Variants in ZNF638 observed in about 807,000 individuals in gnomAD.
ZNF638 encodes the protein CTCL tumor antigen se33-1.
Under a neutral mutation model 195.6 loss-of-function variants are expected in ZNF638, and 46 were observed. The observed-to-expected ratio is 0.24, with a 90% confidence interval of 0.19 to 0.30. The LOEUF is 0.30. Among genes scored for constraint, ZNF638 ranks in the 10% least tolerant of loss-of-function variants. The pLI is 1.00. For synonymous variants in ZNF638, 845 were observed against 772.0 expected (o/e 1.09, Z -1.57); for missense variants, 2,440 against 2,325.3 (o/e 1.05, Z -1.01).
chr2:71,423,582 C>T lies in ZNF638; in HGVS notation c.4068C>T (p.Asn1356=), dbSNP rs2080475007. 2 of 1,613,910 alleles carry T rather than the reference C, an allele frequency of 1.2e-6. No homozygotes were observed. Among genetic ancestry groups the T allele is most frequent in the Admixed American group, 1.7e-5 (1 of 59,988 alleles). ...CAATGAAAGAAAAGCCTGCAGAAAA[C>T]ACTTTATTCAAGGCATACCCAAATA... ...MAAMKEKPAE[N]TLFKAYPNKG... Residue 1356 remains asparagine, a synonymous_variant, in exon 22 of 28, where the codon AAC becomes AAT. Transcript: ENST00000264447.
chr2:71,364,560 G>A (rs2079163526), intron 5 of ZNF638, among the ~76,000 whole-genome samples: 1 of 152,074 alleles, frequency 6.6e-6, no homozygotes, highest in Non-Finnish European at 1.5e-5. Context: ...TTTAACCTGT[G>A]ACTTAATGTT....
chr2:71,349,981 T>G lies in ZNF638; in HGVS notation c.1027T>G (p.Ser343Ala). The change falls in exon 2 of 28, where the codon TCA (serine) becomes GCA (alanine). Residue 343 changes from serine to alanine, a missense_variant. This residue lies in a region of ZNF638 where 305 missense variants were observed against 283.6 expected (regional missense o/e 1.08). Transcript: ENST00000264447. ...NQQPFSSELI[S>A]SVSQQERIPH... ...GCAACCTTTTTCGTCGGAATTAATTTCATCTGTAAGCCAGCAAGAGCGGAT... is the reference window on the plus strand; with the variant it reads ...GCAACCTTTTTCGTCGGAATTAATTGCATCTGTAAGCCAGCAAGAGCGGAT... The G allele has an allele frequency of 6.2e-7, 1 of 1,614,220 alleles. No individual in the cohort carries two copies. The highest frequency in any genetic ancestry group is 8.5e-7 in the Non-Finnish European group (1 of 1,180,048).
intron 2 of ZNF638, among the ~76,000 whole-genome samples, chr2:71,353,234 C>T (rs868072032): frequency 6.6e-6 from 1 of 152,110 alleles, no homozygotes; most frequent in Admixed American, 6.5e-5. Context: ...ACTTTGAGAA[C>T]GTGAAATGTA....
intron 8 of ZNF638, among the ~76,000 whole-genome samples, chr2:71,373,052 A>G (rs2079343835): frequency 6.6e-6 from 1 of 152,234 alleles, no homozygotes. Flanking sequence ...GTTGGTTTAT[A>G]GGATGCACAG....
At chr2:71,379,711 G>C (rs368681951) in intron 8 of ZNF638, 5 of 152,260 alleles carry the variant, frequency 3.3e-5, no homozygotes, top group South Asian at 4.1e-4. Context: ...CCGTATTCAC[G>C]TAAGTTTTAT....
chr2:71,373,275 G>A lies in ZNF638; in HGVS notation c.2265+3270G>A, dbSNP rs1216583369. On this transcript the variant is annotated intron_variant, in intron 8 of 27. Transcript: ENST00000264447. ...CTATATCTATTAACTGTTTAAGTGAGTTGTCTGTATCTTTTCCTATTTTAT... is the reference window on the plus strand; with the variant it reads ...CTATATCTATTAACTGTTTAAGTGAATTGTCTGTATCTTTTCCTATTTTAT... Among the ~76,000 whole-genome samples, 4 of 149,046 alleles carry A rather than the reference G, an allele frequency of 2.7e-5. No individual in the cohort carries two copies. The East Asian group carries it at 8.1e-4, about 30-fold the overall frequency.
At chr2:71,395,969 TC>T (rs1404930228) in intron 10 of ZNF638, 171 bp from the exon 11 acceptor site, 1 of 645,322 alleles carries the variant, frequency 1.5e-6, no homozygotes, top group Non-Finnish European at 2.7e-6. Context: ...TTTTGATACA[TC>T]AAGTCCATAT....
Position 71,420,128 on chromosome 2 carries a change from A to G in ZNF638, c.3299+1489A>G, listed in dbSNP as rs531719894. Among the ~76,000 whole-genome samples, 205 of 151,396 alleles carry G rather than the reference A, an allele frequency of 1.4e-3. 1 individual carries two copies. The highest frequency in any genetic ancestry group is 3.4e-3 in the Middle Eastern group (1 of 290). ...TTTTTTTTAGAGACAGGGTCTTGCT[A>G]TGTTGCTCAGGCTGGCCTTGAACTC... On this transcript the variant is annotated intron_variant, in intron 21 of 27. Transcript: ENST00000264447.
intron 20 of ZNF638, among the ~76,000 whole-genome samples, chr2:71,408,977 A>T (rs1366908318): frequency 6.6e-6 from 1 of 152,100 alleles, no homozygotes; most frequent in Non-Finnish European, 1.5e-5. Context: ...AATATATAAA[A>T]GTTTTTAGCT....
At chr2:71,434,674 AG>A in intron 27 of ZNF638, 67 bp from the exon 28 acceptor site, 1 of 1,268,648 alleles carries the variant, frequency 7.9e-7, no homozygotes. Context: ...AATATACAGT[AG>A]ATAAGTTTGC....
rs1258848843 is a variant in ZNF638, at chr2:71,349,065, G to A, written c.111G>A (p.Met37Ile). The change falls in exon 2 of 28, where the codon ATG becomes ATA. Residue 37 changes from methionine (M) to isoleucine (I), a missense_variant. By Grantham distance (10) the Met-to-Ile change is conservative. Coordinates refer to ENST00000264447, the MANE Select transcript of ZNF638 (RefSeq NM_014497.5). Reference protein sequence around the residue: ...PPGPFMRPGSMGLPRFYPAGR... With the variant: ...PPGPFMRPGSIGLPRFYPAGR... ...GACCATTTATGAGGCCTGGATCTAT[G>A]GGTCTCCCAAGATTTTACCCAGCAG... 5 of 1,614,144 alleles carry A rather than the reference G, an allele frequency of 3.1e-6. No homozygotes were observed. In the South Asian group the frequency reaches 4.4e-5, roughly 14 times the overall value.
intron 8 of ZNF638, among the ~76,000 whole-genome samples, chr2:71,373,337 C>T (rs1477736802): frequency 6.6e-6 from 1 of 151,046 alleles, no homozygotes; most frequent in Non-Finnish European, 1.5e-5. Flanking sequence ...TTTGAAGGTG[C>T]ATGAATATTG....
chr2:71,357,984 A>G (rs775763829), intron 3 of ZNF638, among the ~76,000 whole-genome samples: 1 of 152,186 alleles, frequency 6.6e-6, no homozygotes, highest in Non-Finnish European at 1.5e-5. Flanking sequence ...TTTAGAGTCC[A>G]GAAGTCTGAA....
chr2:71,343,193 T>A (rs2078791705), intron 1 of ZNF638, among the ~76,000 whole-genome samples: 1 of 152,216 alleles, frequency 6.6e-6, no homozygotes, highest in Admixed American at 6.5e-5. Flanking sequence ...ATTTGTTTTT[T>A]TTCTGTTAGA....
chr2:71,403,815 T>C, intron 16 of ZNF638, 55 bp from the exon 17 acceptor site: 1 of 1,330,724 alleles, frequency 7.5e-7, no homozygotes, highest in South Asian at 1.5e-5. Context: ...CAAGTCTGTT[T>C]TTGAGAAAAA....
At chr2:71,431,483 G>A (rs1327829974) in intron 26 of ZNF638, 55 bp downstream of exon 26, 22 of 1,513,348 alleles carry the variant, frequency 1.5e-5, no homozygotes, top group Non-Finnish European at 1.9e-5. Context: ...AAGTCGGCCG[G>A]GCGCGGTGGC....
intron 2 of ZNF638, 38 bp from the exon 3 acceptor site, chr2:71,355,681 A>C (rs371387905): frequency 2.8e-5 from 37 of 1,317,720 alleles, no homozygotes; most frequent in Non-Finnish European, 3.7e-5. Flanking sequence ...CAACATGAGG[A>C]ATATTCTAAT....
chr2:71,434,201 G>T (rs533198748), intron 27 of ZNF638, among the ~76,000 whole-genome samples: 10 of 151,946 alleles, frequency 6.6e-5, no homozygotes, highest in Admixed American at 6.6e-4. Flanking sequence ...AGCTTTTCTG[G>T]CTCTCTCTGT....
In ZNF638 at chr2:71,349,311, T is replaced by G; in HGVS notation, c.357T>G (p.Ser119Arg). 1 of 1,614,072 alleles carries G rather than the reference T, an allele frequency of 6.2e-7. No homozygotes were observed. The highest frequency in any genetic ancestry group is 8.5e-7 in the Non-Finnish European group (1 of 1,180,014). ...HISASVAVKQ[S>R]SVTQVTEQSP... ...CTGCATCAGTGGCAGTGAAACAGAG[T>G]TCTGTAACACAGGTTACAGAGCAGA... Residue 119 changes from serine to arginine, a missense_variant, in exon 2 of 28, where the codon AGT becomes AGG. Physicochemically the swap from Ser to Arg is moderately radical, Grantham distance 110. Around this residue, in one of 5 missense-constraint regions of ZNF638, gnomAD observed 191 missense variants for 173.8 expected, o/e 1.10. Transcript: ENST00000264447.
Sources: allele counts gnomAD v4.1 joint callset (sites outside exome capture counted in the v4.1 genomes callset), GRCh38; gene constraint gnomAD v4.1.1; regional missense constraint gnomAD v4.1.1; transcripts MANE v1.5; gene names NCBI Gene and HGNC (gene_info 2026-07-23, HGNC 2026-07-21).